Variants in CNTN4 observed in about 807,000 individuals in gnomAD.
CNTN4 encodes contactin-4.
A neutral mutation model predicts 122.5 loss-of-function variants in CNTN4; 77 were observed. That is an observed-to-expected ratio of 0.63 (90% CI 0.52 to 0.76). The LOEUF is 0.76. Among genes scored for constraint, CNTN4 ranks in the 30% least tolerant of loss-of-function variants. The probability of loss-of-function intolerance (pLI) is 0.00; values close to 1 mark genes in which losing one functional copy is unlikely to be tolerated. For synonymous variants in CNTN4, 512 were observed against 447.0 expected (o/e 1.15, Z -1.83); for missense variants, 1,256 against 1,259.1 (o/e 1.00, Z 0.04).
At chr3:2,669,908 T>G (rs2084401902) in intron 4 of CNTN4, among the ~76,000 whole-genome samples, 1 of 152,216 alleles carries the variant, frequency 6.6e-6, no homozygotes, top group South Asian at 2.1e-4. Flanking sequence ...CAGTTTTGAG[T>G]GAGTTTCTCA....
At chr3:2,413,697 C>T (rs770146144) in intron 3 of CNTN4, among the ~76,000 whole-genome samples, 4 of 152,020 alleles carry the variant, frequency 2.6e-5, no homozygotes, top group Admixed American at 2.0e-4. Flanking sequence ...GCACACACCA[C>T]AACACACAGC....
intron 3 of CNTN4, among the ~76,000 whole-genome samples, chr3:2,438,777 C>T (rs1323734253): frequency 3.9e-5 from 6 of 152,130 alleles, no homozygotes; most frequent in South Asian, 2.1e-4. Flanking sequence ...ATGTGGACCA[C>T]GGTCTGGAGT....
chr3:2,810,139 G>A (rs931633944), intron 6 of CNTN4, among the ~76,000 whole-genome samples: 20 of 151,998 alleles, frequency 1.3e-4, no homozygotes, highest in Admixed American at 3.9e-4. Context: ...CTTCTGGGTC[G>A]GGAAAATCCG....
chr3:2,964,356 A>G (rs554197711), intron 13 of CNTN4, among the ~76,000 whole-genome samples: 4 of 152,182 alleles, frequency 2.6e-5, no homozygotes, highest in Admixed American at 2.0e-4. Context: ...TGAATATCCA[A>G]TGTGAGTAAA....
chr3:2,780,305 A>G (rs1481892478), intron 6 of CNTN4, among the ~76,000 whole-genome samples: 1 of 152,210 alleles, frequency 6.6e-6, no homozygotes, highest in Non-Finnish European at 1.5e-5. Flanking sequence ...GGACCTTTAC[A>G]GTATAGGAGA....
At chr3:2,190,587 C>T (rs1468561646) in intron 2 of CNTN4, among the ~76,000 whole-genome samples, 1 of 151,790 alleles carries the variant, frequency 6.6e-6, no homozygotes, top group African/African-American at 2.4e-5. Flanking sequence ...AGTTCCAGGC[C>T]AGCATCTCAG....
intron 17 of CNTN4, 151 bp from the exon 18 acceptor site, chr3:3,037,028 C>T (rs910131149): frequency 1.1e-6 from 1 of 891,100 alleles, no homozygotes; most frequent in Non-Finnish European, 1.9e-6. Flanking sequence ...CTCACTGAAA[C>T]AACTGTTGAT....
At chr3:2,949,164 T>C (rs2094710147) in intron 13 of CNTN4, among the ~76,000 whole-genome samples, 1 of 152,122 alleles carries the variant, frequency 6.6e-6, no homozygotes, top group Non-Finnish European at 1.5e-5. Flanking sequence ...TCCCACTAAC[T>C]GAAACACTTT....
At chr3:2,997,153 T>A (rs572187650) in intron 14 of CNTN4, among the ~76,000 whole-genome samples, 1 of 152,124 alleles carries the variant, frequency 6.6e-6, no homozygotes, top group East Asian at 1.9e-4. Context: ...TGAAATGGAG[T>A]TTAAATGGCT....
chr3:2,225,160 C>CCAAA (rs10632045), intron 2 of CNTN4, among the ~76,000 whole-genome samples: 1 of 149,246 alleles, frequency 6.7e-6, no homozygotes, highest in Non-Finnish European at 1.5e-5. Context: ...CCACCACCCC[C>CCAAA]AAAAAAAAAG....
intron 2 of CNTN4, among the ~76,000 whole-genome samples, chr3:2,274,415 CAGGAATCATTCTAG>C: frequency 6.6e-6 from 1 of 151,564 alleles, no homozygotes; most frequent in East Asian, 1.9e-4. Context: ...ACAAACAACC[CAGGAATCATTCTAG>C]ACATTATTTG....
intron 4 of CNTN4, among the ~76,000 whole-genome samples, chr3:2,573,929 G>A (rs1443640205): frequency 6.6e-6 from 1 of 152,086 alleles, no homozygotes; most frequent in Non-Finnish European, 1.5e-5. Context: ...TTTTTAAACT[G>A]CTTTAGGCCA....
At chr3:2,487,131 A>C (rs148157546) in intron 3 of CNTN4, among the ~76,000 whole-genome samples, 54 of 152,254 alleles carry the variant, frequency 3.5e-4, no homozygotes, top group African/African-American at 1.1e-3. Flanking sequence ...TGCTAAACAT[A>C]ATTATTGTGG....
chr3:2,535,253 C>A (rs1189267443), intron 3 of CNTN4, among the ~76,000 whole-genome samples: 3 of 152,028 alleles, frequency 2.0e-5, no homozygotes, highest in Admixed American at 6.6e-5. Flanking sequence ...GATACTTGAT[C>A]CTCCCCCTTT....
rs201400569 is a variant in CNTN4 at position 2,293,815 on chromosome 3, GT to G, written c.-144-45362del. Among the ~76,000 whole-genome samples the G allele has an allele frequency of 6.6e-4, 101 of 151,980 alleles. No homozygotes were observed. In the East Asian group the frequency reaches 0.012, roughly 18 times the overall value. ...ATAAAAGTTGAAACTTTTTTTTTAA[GT>G]GTAGGCAGTTCTCTTGGTATTGGGT... On this transcript the variant is annotated intron_variant, in intron 2 of 24. Transcript: ENST00000418658.
chr3:2,659,410 C>G (rs145301615), intron 4 of CNTN4, among the ~76,000 whole-genome samples: 2 of 141,246 alleles, frequency 1.4e-5, no homozygotes, highest in African/African-American at 5.3e-5. Flanking sequence ...TGCGGTGAGC[C>G]GAGATCACAT....
chr3:2,497,560 AG>A (rs1170660380), intron 3 of CNTN4, among the ~76,000 whole-genome samples: 1 of 152,178 alleles, frequency 6.6e-6, no homozygotes, highest in Non-Finnish European at 1.5e-5. Flanking sequence ...TTGAGGATTT[AG>A]GGGTGGGAGT....
At chr3:2,946,034 G>T (rs2094674399) in intron 13 of CNTN4, among the ~76,000 whole-genome samples, 1 of 152,168 alleles carries the variant, frequency 6.6e-6, no homozygotes, top group South Asian at 2.1e-4. Context: ...ATCTTTTCCT[G>T]TAGCTAATAT....
intron 12 of CNTN4, among the ~76,000 whole-genome samples, chr3:2,910,111 G>A (rs1289532296): frequency 2.0e-5 from 3 of 152,218 alleles, no homozygotes. Flanking sequence ...AAAGCACACA[G>A]AATGTCTTGA....
Sources: allele counts gnomAD v4.1 joint callset (sites outside exome capture counted in the v4.1 genomes callset), GRCh38; gene constraint gnomAD v4.1.1; transcripts MANE v1.5; gene names NCBI Gene and HGNC (gene_info 2026-07-23, HGNC 2026-07-21).